BCR: variants seen among roughly 807,000 people sequenced by gnomAD.
BCR encodes breakpoint cluster region protein.
Under a neutral mutation model 138.6 loss-of-function variants are expected in BCR, and 58 were observed. That is an observed-to-expected ratio of 0.42 (90% CI 0.34 to 0.52). The LOEUF is 0.52. Ranked by LOEUF, BCR falls within the 20% of genes least tolerant of loss-of-function variation. The probability of loss-of-function intolerance (pLI) is 0.06; values close to 1 mark genes in which losing one functional copy is unlikely to be tolerated. For synonymous variants in BCR, 786 were observed against 730.1 expected (o/e 1.08, Z -1.23); for missense variants, 1,599 against 1,727.2 (o/e 0.93, Z 1.32).
At chr22:23,290,806 A>G in intron 14 of BCR, 1 of 238,272 alleles carries the variant, frequency 4.2e-6, no homozygotes, top group South Asian at 6.7e-5. Context: ...TGCTCTGTCG[A>G]GCTGGATGGA....
At chr22:23,192,613 G>A (rs1442328873) in intron 1 of BCR, among the ~76,000 whole-genome samples, 2 of 152,182 alleles carry the variant, frequency 1.3e-5, no homozygotes, top group Non-Finnish European at 2.9e-5. Context: ...TCCAAGATAG[G>A]GATTTCCTGA....
At chr22:23,273,502 TGA>T in intron 7 of BCR, 130 bp from the exon 8 acceptor site, 1 of 1,246,554 alleles carries the variant, frequency 8.0e-7, no homozygotes. Context: ...GGGGCCCAAG[TGA>T]GAGAGACTGT....
intron 16 of BCR, among the ~76,000 whole-genome samples, chr22:23,296,957 C>T (rs2073851342): frequency 6.6e-6 from 1 of 152,194 alleles, no homozygotes; most frequent in African/African-American, 2.4e-5. Flanking sequence ...AGTATTTTAG[C>T]ATCAGTCAAA....
chr22:23,186,015 C>G (rs1160163040), intron 1 of BCR, among the ~76,000 whole-genome samples: 2 of 172 alleles, frequency 0.012, no homozygotes, highest in African/African-American at 0.045. Flanking sequence ...AGGCGTGAGC[C>G]ACCCGCGCAA....
At position 23,317,229 on chromosome 22, in the gene BCR, A is replaced by C; in HGVS notation, c.*1707A>C. 1 of 119,156 alleles carries C rather than the reference A, an allele frequency of 8.4e-6. No individual in the cohort carries two copies. Among genetic ancestry groups the C allele is most frequent in the African/African-American group, 7.0e-5 (1 of 14,312 alleles). The allele number at this position is 119,156 out of a possible 1,614,324, so 7.4% of individuals were successfully genotyped here. ...TGGACCTGGCAAGGCAGGGAGCAGA[A>C]AACAGCCACTTGAAGGCTTTCTGTC... On this transcript the variant is annotated 3_prime_UTR_variant, in exon 23 of 23. Coordinates refer to ENST00000305877, the MANE Select transcript of BCR (RefSeq NM_004327.4).
intron 5 of BCR, among the ~76,000 whole-genome samples, chr22:23,269,145 CAG>C (rs950197884): frequency 2.0e-5 from 3 of 152,268 alleles, no homozygotes; most frequent in Non-Finnish European, 4.4e-5. Flanking sequence ...CATTCAGAAA[CAG>C]AGACCATGAA....
intron 10 of BCR, among the ~76,000 whole-genome samples, chr22:23,286,009 C>A (rs1017533331): frequency 6.6e-6 from 1 of 152,202 alleles, no homozygotes; most frequent in Non-Finnish European, 1.5e-5. Flanking sequence ...TCTCCTGATA[C>A]CCAGGCTGCG....
intron 9 of BCR, 41 bp from the exon 10 acceptor site, chr22:23,284,992 G>C (rs781688082): frequency 1.3e-6 from 2 of 1,591,596 alleles, no homozygotes; most frequent in Admixed American, 1.7e-5. Flanking sequence ...GCCATAGAAG[G>C]CAGTCGGTGC....
At chr22:23,295,265 G>A in intron 16 of BCR, 110 bp downstream of exon 16, 3 of 1,279,660 alleles carry the variant, frequency 2.3e-6, no homozygotes, top group Non-Finnish European at 3.2e-6. Context: ...GGGGTGGGGT[G>A]GGCAGCTGTG....
chr22:23,200,078 C>T (rs1187930151), intron 1 of BCR, among the ~76,000 whole-genome samples: 3 of 147,244 alleles, frequency 2.0e-5, no homozygotes, highest in Non-Finnish European at 4.4e-5. Context: ...CAGAGCAAGA[C>T]TGCGTCTCAA....
intron 4 of BCR, 24 bp downstream of exon 4, chr22:23,261,564 G>A: frequency 6.2e-7 from 1 of 1,607,634 alleles, no homozygotes; most frequent in Non-Finnish European, 8.5e-7. Flanking sequence ...GGCCGGTGCT[G>A]GGACTACAGG....
rs532012968 is a variant in BCR at position 23,198,627 on chromosome 22, C to A, written c.1279+16388C>A. ...GTGGCCATGGATAAGTGAAGAGGAA[C>A]GTGATGCTGGGCACCATGCTGGTGG... is the stretch of plus-strand genomic sequence containing the variant. On this transcript the variant is annotated intron_variant, in intron 1 of 22. Transcript: ENST00000305877. Among the ~76,000 whole-genome samples, 3 of 152,174 alleles carry A rather than the reference C, an allele frequency of 2.0e-5. No homozygotes were observed. The East Asian group carries it at 5.8e-4, about 29-fold the overall frequency.
At chr22:23,231,943 C>G (rs1026803991) in intron 1 of BCR, among the ~76,000 whole-genome samples, 9 of 152,226 alleles carry the variant, frequency 5.9e-5, no homozygotes, top group Non-Finnish European at 1.0e-4. Flanking sequence ...TCTTGCCTGC[C>G]TGTTAACTTT....
intron 16 of BCR, among the ~76,000 whole-genome samples, chr22:23,300,145 A>G (rs1360532711): frequency 6.6e-6 from 1 of 152,012 alleles, no homozygotes; most frequent in Non-Finnish European, 1.5e-5. Flanking sequence ...ATCCTCTCAA[A>G]CTGAAACTCT....
At chr22:23,276,909 C>T (rs1318949629) in intron 8 of BCR, among the ~76,000 whole-genome samples, 5 of 152,260 alleles carry the variant, frequency 3.3e-5, no homozygotes, top group African/African-American at 7.2e-5. Flanking sequence ...TCTCTGAGGG[C>T]AATGATGCAG....
intron 1 of BCR, among the ~76,000 whole-genome samples, chr22:23,252,427 CTTTTCTTTT>C (rs1228210620): frequency 1.4e-4 from 17 of 119,510 alleles, no homozygotes; most frequent in African/African-American, 6.0e-4. Flanking sequence ...TTTTTCTTTT[CTTTTCTTTT>C]TTTTTTTTTT....
intron 1 of BCR, among the ~76,000 whole-genome samples, chr22:23,223,305 T>C (rs1015507419): frequency 1.3e-5 from 2 of 151,586 alleles, no homozygotes; most frequent in Non-Finnish European, 1.5e-5. Flanking sequence ...AGTATTTGTA[T>C]GTGCACACTT....
intron 1 of BCR, among the ~76,000 whole-genome samples, chr22:23,234,528 G>A (rs1446402726): frequency 8.5e-5 from 13 of 152,144 alleles, no homozygotes; most frequent in Non-Finnish European, 1.8e-4. Context: ...CCCTACACAC[G>A]GTGAGTGGGA....
rs78178637 is a variant in BCR, at chr22:23,237,023, G to A, written c.1280-16776G>A. 5.5e-3 allele frequency among the ~76,000 whole-genome samples: 837 copies of A among 152,306 alleles called. 7 individuals are homozygous for A. The highest frequency in any genetic ancestry group is 0.019 in the African/African-American group (796 of 41,558). On this transcript the variant is annotated intron_variant, in intron 1 of 22. Transcript: ENST00000305877. ...AAGAAGTGCCAGGCTCAGAACCGGC[G>A]TCAGATACCTCTGAGAGCCTTTCCG...
Sources: allele counts gnomAD v4.1 joint callset (sites outside exome capture counted in the v4.1 genomes callset), GRCh38; gene constraint gnomAD v4.1.1; transcripts MANE v1.5; gene names NCBI Gene and HGNC (gene_info 2026-07-23, HGNC 2026-07-21).